The following MAGI2 variants were observed in gnomAD, a reference collection of about 807,000 sequenced individuals.
MAGI2 encodes membrane associated guanylate kinase, WW and PDZ domain containing 2.
MAGI2 carries 35 observed loss-of-function variants against 133.3 expected under a neutral mutation model. The observed-to-expected ratio is 0.26, with a 90% CI of 0.20 to 0.35. The LOEUF (loss-of-function observed/expected upper bound fraction) is 0.35, where lower values mean the gene tolerates loss of function less well. Ranked by LOEUF, MAGI2 falls within the 10% of genes least tolerant of loss-of-function variation. The pLI is 1.00. For missense variants in MAGI2, 1,636 were observed against 1,863.4 expected (o/e 0.88, Z 2.25); for synonymous variants, 729 against 710.6 (o/e 1.03, Z -0.41).
At position 79,261,822 on chromosome 7, in the gene MAGI2, A is replaced by G. The variant is rs1044903742; in HGVS notation, c.301+191198T>C. On this transcript the variant is annotated intron_variant, in intron 1 of 21. Coordinates refer to ENST00000354212, the MANE Select transcript of MAGI2 (RefSeq NM_012301.4). ...AAGAACCCAAATCATCAATACCTGC[A>G]CCATTTATTGTCTAAATTATGATTT... is the stretch of plus-strand genomic sequence containing the variant. Among the ~76,000 whole-genome samples, 23 of 152,182 alleles carry G rather than the reference A, an allele frequency of 1.5e-4. 1 individual carries two copies. Among genetic ancestry groups the G allele is most frequent in the Non-Finnish European group, 1.5e-5 (1 of 68,034 alleles).
At chr7:79,286,688 A>G (rs1304721322) in intron 1 of MAGI2, among the ~76,000 whole-genome samples, 2 of 152,026 alleles carry the variant, frequency 1.3e-5, no homozygotes, top group African/African-American at 2.4e-5. Context: ...TTGAGGGCTA[A>G]AAAACAACTT....
intron 1 of MAGI2, among the ~76,000 whole-genome samples, chr7:79,332,989 A>G (rs1273145648): frequency 6.6e-6 from 1 of 152,184 alleles, no homozygotes; most frequent in Non-Finnish European, 1.5e-5. Flanking sequence ...ATAACAATGT[A>G]GACTTGGGCA....
chr7:78,096,589 G>A (rs1023500467), intron 20 of MAGI2, among the ~76,000 whole-genome samples: 1 of 152,130 alleles, frequency 6.6e-6, no homozygotes, highest in Non-Finnish European at 1.5e-5. Context: ...TAGAGTAGGG[G>A]TTGGTAAACT....
chr7:79,431,350 GA>G (rs1847766664), intron 1 of MAGI2, among the ~76,000 whole-genome samples: 2 of 152,034 alleles, frequency 1.3e-5, no homozygotes, highest in Admixed American at 1.3e-4. Flanking sequence ...AGAAAGAAGA[GA>G]AAAAATTTGA....
intron 3 of MAGI2, among the ~76,000 whole-genome samples, chr7:78,610,488 C>T (rs1392254517): frequency 6.6e-6 from 1 of 152,312 alleles, no homozygotes; most frequent in Middle Eastern, 3.4e-3. Context: ...TGCTTTCCAA[C>T]GTGTGCTCCA....
chr7:78,611,731 T>C (rs1329820678), intron 3 of MAGI2, among the ~76,000 whole-genome samples: 2 of 152,200 alleles, frequency 1.3e-5, no homozygotes, highest in Admixed American at 6.5e-5. Context: ...ATCACTCACC[T>C]CTGAACAGTG....
At chr7:79,387,008 C>CAT (rs1337399974) in intron 1 of MAGI2, among the ~76,000 whole-genome samples, 1 of 112,290 alleles carries the variant, frequency 8.9e-6, no homozygotes, top group African/African-American at 4.6e-5. Flanking sequence ...TATACACACA[C>CAT]ACACGTTATA....
chr7:78,049,107 C>CA lies in MAGI2; in HGVS notation c.3707-29132dup, dbSNP rs34719237. Among the ~76,000 whole-genome samples, 518 of 136,638 alleles carry CA rather than the reference C, an allele frequency of 3.8e-3. 1 individual carries two copies. Among genetic ancestry groups the CA allele is most frequent in the Middle Eastern group, 0.011 (3 of 282 alleles). 89.6% of individuals were successfully genotyped at this position (136,638 alleles called of 152,430 possible). On this transcript the variant is annotated intron_variant, in intron 21 of 21. Coordinates refer to ENST00000354212, the MANE Select transcript of MAGI2 (RefSeq NM_012301.4). ...TGCGCAACAGAGTGAGACTCCACCTCAAAAAAAAAAAAAAAAGACTTCAAA... is the reference window on the plus strand; with the variant it reads ...TGCGCAACAGAGTGAGACTCCACCTCAAAAAAAAAAAAAAAAAGACTTCAAA...
At chr7:79,136,284 T>C (rs1821566540) in intron 1 of MAGI2, among the ~76,000 whole-genome samples, 1 of 152,212 alleles carries the variant, frequency 6.6e-6, no homozygotes, top group African/African-American at 2.4e-5. Context: ...AGATGTCTAC[T>C]TACCTAGGGC....
chr7:79,232,157 T>C (rs1407384828), intron 1 of MAGI2, among the ~76,000 whole-genome samples: 1 of 152,202 alleles, frequency 6.6e-6, no homozygotes, highest in East Asian at 1.9e-4. Context: ...TTGATCATGA[T>C]GGATAAGCTT....
chr7:79,441,408 A>G (rs1272832943), intron 1 of MAGI2, among the ~76,000 whole-genome samples: 1 of 152,238 alleles, frequency 6.6e-6, no homozygotes, highest in Admixed American at 6.5e-5. Context: ...ATATTAGACA[A>G]TGAAGACTTT....
intron 3 of MAGI2, among the ~76,000 whole-genome samples, chr7:78,611,805 G>T (rs1584838104): frequency 6.6e-6 from 1 of 152,260 alleles, no homozygotes; most frequent in East Asian, 1.9e-4. Context: ...CTTGAAAGTA[G>T]ACATCCAGCA....
chr7:78,902,692 A>C (rs889452460), intron 2 of MAGI2: 3 of 152,206 alleles, frequency 2.0e-5, no homozygotes, highest in African/African-American at 7.2e-5. Flanking sequence ...GAAACATGCA[A>C]ACTTTCCTTT....
chr7:78,907,098 G>A (rs1472935103), intron 2 of MAGI2, among the ~76,000 whole-genome samples: 2 of 152,142 alleles, frequency 1.3e-5, no homozygotes, highest in South Asian at 4.1e-4. Flanking sequence ...AATAGTGGGT[G>A]GGAGGAGGCT....
Position 79,368,265 on chromosome 7 carries a change from G to A in MAGI2, c.301+84755C>T, listed in dbSNP as rs375215135. On this transcript the variant is annotated intron_variant, in intron 1 of 21. Transcript: ENST00000354212. ...AGCTAGACAGGGAATGAGAACCCCA[G>A]GAATTAGCAGAAATCCTAGTGAAAG... is the stretch of plus-strand genomic sequence containing the variant. Among the ~76,000 whole-genome samples the A allele has an allele frequency of 2.0e-4, 30 of 152,142 alleles. No individual in the cohort carries two copies. In the East Asian group the frequency reaches 5.1e-3, roughly 26 times the overall value.
chr7:79,443,263 A>AGTGT (rs10600872), intron 1 of MAGI2, among the ~76,000 whole-genome samples: 32 of 143,668 alleles, frequency 2.2e-4, no homozygotes, highest in African/African-American at 6.0e-4. Flanking sequence ...TAGTGTTTGA[A>AGTGT]GTGTGTGTGT....
At chr7:79,008,237 C>G (rs1263565738) in intron 1 of MAGI2, among the ~76,000 whole-genome samples, 1 of 152,030 alleles carries the variant, frequency 6.6e-6, no homozygotes, top group Admixed American at 6.6e-5. Flanking sequence ...AAATTATATT[C>G]CTTCAAATCC....
chr7:78,290,796 C>T (rs1796624012), intron 9 of MAGI2, among the ~76,000 whole-genome samples: 1 of 152,184 alleles, frequency 6.6e-6, no homozygotes, highest in Non-Finnish European at 1.5e-5. Context: ...CACTCAAAAA[C>T]CGCTCAGCTA....
intron 2 of MAGI2, among the ~76,000 whole-genome samples, chr7:78,685,034 C>T (rs1585079054): frequency 6.6e-6 from 1 of 152,154 alleles, no homozygotes; most frequent in African/African-American, 2.4e-5. Context: ...ATAGCAGGAC[C>T]GATTTAACAC....
Sources: allele counts gnomAD v4.1 joint callset (sites outside exome capture counted in the v4.1 genomes callset), GRCh38; gene constraint gnomAD v4.1.1; transcripts MANE v1.5; gene names NCBI Gene and HGNC (gene_info 2026-07-23, HGNC 2026-07-21).